Variants in CENPP observed in about 807,000 individuals in gnomAD.
CENPP encodes centromere protein P.
In CENPP, 24 loss-of-function variants were observed where a neutral mutation model predicts 35.6. That is an observed-to-expected ratio of 0.67 (90% CI 0.49 to 0.95). The LOEUF is 0.95. Among genes scored for constraint, CENPP ranks in the 40% least tolerant of loss-of-function variants. CENPP has a pLI of 0.00. For missense variants in CENPP, 332 were observed against 345.3 expected (o/e 0.96, Z 0.31); for synonymous variants, 120 against 125.5 (o/e 0.96, Z 0.29).
chr9:92,564,610 G>A (rs1849922661), intron 5 of CENPP, among the ~76,000 whole-genome samples: 1 of 152,094 alleles, frequency 6.6e-6, no homozygotes, highest in East Asian at 1.9e-4. Context: ...GTAAACACAG[G>A]TTTATGGAGA....
chr9:92,558,427 C>T (rs1849773900), intron 5 of CENPP, among the ~76,000 whole-genome samples: 1 of 152,144 alleles, frequency 6.6e-6, no homozygotes, highest in South Asian at 2.1e-4. Context: ...GCCTAGCCAC[C>T]CAGTGAGTCT....
intron 5 of CENPP, among the ~76,000 whole-genome samples, chr9:92,439,495 A>G (rs947576205): frequency 5.3e-5 from 8 of 152,204 alleles, no homozygotes; most frequent in Admixed American, 4.6e-4. Context: ...GTGGCTGACC[A>G]GCATGGGAGG....
At chr9:92,326,864 A>G (rs1840543347) in intron 1 of CENPP, among the ~76,000 whole-genome samples, 1 of 152,260 alleles carries the variant, frequency 6.6e-6, no homozygotes, top group South Asian at 2.1e-4. Context: ...GTAATTTGAC[A>G]TAGGTGCAGA....
chr9:92,586,242 G>C (rs188807641), intron 5 of CENPP, among the ~76,000 whole-genome samples: 1 of 152,176 alleles, frequency 6.6e-6, no homozygotes, highest in Admixed American at 6.5e-5. Flanking sequence ...ACAGGGTTTC[G>C]CCATGTTGGC....
chr9:92,342,768 T>C (rs1213192034), intron 3 of CENPP, among the ~76,000 whole-genome samples: 1 of 152,252 alleles, frequency 6.6e-6, no homozygotes, highest in Non-Finnish European at 1.5e-5. Context: ...AATAACTTGA[T>C]GAAAAGTTTT....
intron 5 of CENPP, among the ~76,000 whole-genome samples, chr9:92,455,240 A>G (rs1408116921): frequency 1.3e-5 from 2 of 152,166 alleles, no homozygotes; most frequent in Non-Finnish European, 2.9e-5. Context: ...TCCACAAAAA[A>G]TTAGCTGAGC....
chr9:92,332,371 CTAGACATAGTATGGAAGCTTACCTTA>C lies in CENPP; in HGVS notation c.289+22_289+47del, dbSNP rs1840778283. ...AAAAGAGTAAGCATTTTTTTTAAAT[CTAGACATAGTATGGAAGCTTACCTTA>C]TTATGCATAAGAAATTGGTTGTCAT... On this transcript the variant is annotated intron_variant, in intron 2 of 7. Transcript: ENST00000375587. 6.6e-7 allele frequency: 1 copy of C among 1,515,940 alleles called. No homozygotes were observed. The highest frequency in any genetic ancestry group is 8.9e-7 in the Non-Finnish European group (1 of 1,124,718). The allele number at this position is 1,515,940 out of a possible 1,614,324, so 93.9% of individuals were successfully genotyped here. A position where few individuals can be genotyped will look rare whatever the true frequency, so the allele number is the denominator to read the frequency against.
intron 5 of CENPP, among the ~76,000 whole-genome samples, chr9:92,574,879 G>A (rs1850241065): frequency 6.6e-6 from 1 of 152,156 alleles, no homozygotes; most frequent in South Asian, 2.1e-4. Context: ...ATTGGCTAAT[G>A]GAATAGAATA....
intron 5 of CENPP, chr9:92,502,689 TGTTA>T (rs757157211): frequency 6.8e-6 from 10 of 1,475,010 alleles, no homozygotes; most frequent in Admixed American, 6.2e-5. Context: ...TTTTCTTTTG[TGTTA>T]GTTGATACGT....
At chr9:92,472,848 C>G (rs10992350) in intron 5 of CENPP, among the ~76,000 whole-genome samples, 1 of 151,922 alleles carries the variant, frequency 6.6e-6, no homozygotes, top group South Asian at 2.1e-4. Context: ...AAGTGGAAGT[C>G]TTATAGGAAG....
rs547085098 is a variant in CENPP at position 92,337,763 on chromosome 9, T to G, written c.378+134T>G. On this transcript the variant is annotated intron_variant, in intron 3 of 7. Coordinates refer to ENST00000375587, the MANE Select transcript of CENPP (RefSeq NM_001012267.3). ...AGGGCCCCCCCATTCATAGCACATT[T>G]GTGCAAAGTGGTACATTTTCAAAAT... 4.4e-6 allele frequency: 3 copies of G among 682,226 alleles called. No homozygotes were observed. The South Asian group carries it at 4.9e-5, about 11-fold the overall frequency. The allele number at this position is 682,226 out of a possible 1,614,324, so 42.3% of individuals were successfully genotyped here.
At chr9:92,514,770 C>T (rs41280067) in intron 5 of CENPP, 29 of 1,613,860 alleles carry the variant, frequency 1.8e-5, no homozygotes, top group East Asian at 6.7e-5. Context: ...GAGCAGGAAG[C>T]GGGGATCGAG....
At chr9:92,474,202 G>C (rs1003111530) in intron 5 of CENPP, among the ~76,000 whole-genome samples, 23 of 152,154 alleles carry the variant, frequency 1.5e-4, no homozygotes, top group African/African-American at 5.6e-4. Flanking sequence ...TCTTTAAAAG[G>C]TCTAGATTAG....
intron 5 of CENPP, among the ~76,000 whole-genome samples, chr9:92,554,167 A>C (rs1421789961): frequency 6.6e-6 from 1 of 150,740 alleles, no homozygotes; most frequent in East Asian, 1.9e-4. Context: ...TAAGATTATC[A>C]TGTGATTTTT....
At chr9:92,381,554 C>A (rs1357082026) in intron 5 of CENPP, among the ~76,000 whole-genome samples, 1 of 152,110 alleles carries the variant, frequency 6.6e-6, no homozygotes, top group African/African-American at 2.4e-5. Flanking sequence ...AAGCCCAGTG[C>A]CCTCCCCCTG....
At chr9:92,448,609 G>T (rs1323732800) in intron 5 of CENPP, among the ~76,000 whole-genome samples, 2 of 152,010 alleles carry the variant, frequency 1.3e-5, no homozygotes, top group African/African-American at 2.4e-5. Context: ...CTCTAGGGGG[G>T]TGTAAGCCGT....
intron 5 of CENPP, among the ~76,000 whole-genome samples, chr9:92,553,967 A>G (rs1849666468): frequency 6.6e-6 from 1 of 152,132 alleles, no homozygotes; most frequent in Admixed American, 6.5e-5. Context: ...GAGTAGTGAG[A>G]GTGGGCATCC....
chr9:92,540,449 A>C (rs1202494575), intron 5 of CENPP, among the ~76,000 whole-genome samples: 5 of 151,616 alleles, frequency 3.3e-5, no homozygotes, highest in South Asian at 4.2e-4. Context: ...AAAAAAAAAA[A>C]AATGAGATCA....
At chr9:92,442,781 G>A (rs993992565) in intron 5 of CENPP, among the ~76,000 whole-genome samples, 1 of 151,746 alleles carries the variant, frequency 6.6e-6, no homozygotes, top group Non-Finnish European at 1.5e-5. Flanking sequence ...CCCGGGAGGC[G>A]GAGCTTGCAG....
Sources: gnomAD v4.1 joint callset for allele counts (sites outside exome capture counted in the v4.1 genomes callset) on GRCh38, gnomAD v4.1.1 for gene constraint, MANE v1.5 for transcripts, NCBI Gene and HGNC (gene_info 2026-07-23, HGNC 2026-07-21) for gene names.